Variants in GRIP1 observed in about 807,000 individuals in gnomAD.
The protein encoded by GRIP1 is glutamate receptor interacting protein 1.
Under a neutral mutation model 129.9 loss-of-function variants are expected in GRIP1, and 45 were observed. That is an observed-to-expected ratio of 0.35 (90% CI 0.27 to 0.44). GRIP1 has a LOEUF of 0.44. Among genes scored for constraint, GRIP1 ranks in the 20% least tolerant of loss-of-function variants. The pLI, the probability that GRIP1 is intolerant of heterozygous loss-of-function variation, is 1.00. For synonymous variants in GRIP1, 530 were observed against 520.8 expected, an observed-to-expected ratio of 1.02 and a Z score of -0.24; for missense variants, 1,196 against 1,396.8, an observed-to-expected ratio of 0.86 and a Z score of 2.29.
At chr12:66,835,182 T>C (rs2039591329) in intron 1 of GRIP1, among the ~76,000 whole-genome samples, 1 of 152,064 alleles carries the variant, frequency 6.6e-6, no homozygotes, top group Non-Finnish European at 1.5e-5. Flanking sequence ...CAACAGATAC[T>C]TCAACAATAA....
At position 66,753,144 on chromosome 12, in the gene GRIP1, T is replaced by C. The variant is rs182840880; in HGVS notation, c.-420+50909A>G. On this transcript the variant is annotated intron_variant, in intron 1 of 4. Coordinates refer to the GRIP1 transcript ENST00000538373. ...CAAACTCTTTCATGCTCTTATATCC[T>C]AGGTATATGGCTATCCGACCCCATT... Among the ~76,000 whole-genome samples, 37 of 152,246 alleles carry C rather than the reference T, an allele frequency of 2.4e-4. No homozygotes were observed. The East Asian group carries it at 2.9e-3, about 12-fold the overall frequency.
chr12:66,527,272 A>G (rs1182872743), intron 5 of GRIP1, among the ~76,000 whole-genome samples: 1 of 151,560 alleles, frequency 6.6e-6, no homozygotes, highest in African/African-American at 2.4e-5. Flanking sequence ...ACTTGGAACC[A>G]ACCCAAATGT....
chr12:66,991,970 T>G (rs559609398), intron 1 of GRIP1, among the ~76,000 whole-genome samples: 1 of 152,264 alleles, frequency 6.6e-6, no homozygotes, highest in Non-Finnish European at 1.5e-5. Context: ...GAAACACCAC[T>G]CAAAATATGA....
intron 7 of GRIP1, among the ~76,000 whole-genome samples, chr12:66,493,975 G>T (rs1327827188): frequency 1.3e-5 from 2 of 152,154 alleles, no homozygotes; most frequent in Admixed American, 1.3e-4. Context: ...AATCTGTAAA[G>T]ATGCCTCTGG....
intron 5 of GRIP1, among the ~76,000 whole-genome samples, chr12:66,523,976 T>C (rs1022601776): frequency 6.6e-6 from 1 of 152,120 alleles, no homozygotes; most frequent in Admixed American, 6.5e-5. Flanking sequence ...CAAGAAGAGC[T>C]AACTATCCTA....
chr12:66,936,779 C>A (rs2041492719), intron 1 of GRIP1, among the ~76,000 whole-genome samples: 1 of 152,126 alleles, frequency 6.6e-6, no homozygotes, highest in Admixed American at 6.5e-5. Context: ...TGCATTAAAG[C>A]ATTACACCAT....
chr12:66,952,403 G>A (rs2041772336), intron 1 of GRIP1, among the ~76,000 whole-genome samples: 1 of 152,156 alleles, frequency 6.6e-6, no homozygotes, highest in Admixed American at 6.5e-5. Flanking sequence ...TGTCATTAAA[G>A]CACTAAGTTT....
chr12:67,004,516 GAGAT>G (rs1208081283), intron 1 of GRIP1, among the ~76,000 whole-genome samples: 1 of 152,116 alleles, frequency 6.6e-6, no homozygotes, highest in East Asian at 1.9e-4. Context: ...CTCCAGGAAA[GAGAT>G]AGAGTTCCAT....
chr12:66,948,435 AT>A (rs1286968521), intron 1 of GRIP1, among the ~76,000 whole-genome samples: 3 of 152,236 alleles, frequency 2.0e-5, no homozygotes, highest in Non-Finnish European at 4.4e-5. Context: ...TATTGGGAAG[AT>A]ACTGTGTCTT....
At chr12:66,743,707 G>A (rs1217280321) in intron 1 of GRIP1, among the ~76,000 whole-genome samples, 4 of 151,994 alleles carry the variant, frequency 2.6e-5, no homozygotes, top group African/African-American at 9.7e-5. Context: ...GAGGAGGAAA[G>A]CCAACATTAT....
intron 1 of GRIP1, among the ~76,000 whole-genome samples, chr12:66,763,057 G>C (rs554233656): frequency 1.3e-5 from 2 of 152,126 alleles, no homozygotes; most frequent in East Asian, 3.9e-4. Flanking sequence ...GCAAATAAAA[G>C]TGATACAATT....
chr12:66,379,536 T>C (rs1401088059), intron 19 of GRIP1, 100 bp from the exon 20 acceptor site: 3 of 1,157,728 alleles, frequency 2.6e-6, no homozygotes, highest in Middle Eastern at 4.5e-4. Context: ...ATAACGGCAA[T>C]GACAATAACA....
intron 1 of GRIP1, among the ~76,000 whole-genome samples, chr12:66,638,052 C>A (rs2031571307): frequency 6.6e-6 from 1 of 152,142 alleles, no homozygotes; most frequent in African/African-American, 2.4e-5. Context: ...GTCTGAGGGC[C>A]ATTTAGATAT....
chr12:66,598,602 C>T (rs1225416411), intron 1 of GRIP1, among the ~76,000 whole-genome samples: 2 of 152,196 alleles, frequency 1.3e-5, no homozygotes, highest in African/African-American at 4.8e-5. Flanking sequence ...GAGCGCTTTT[C>T]TCACAGTGTT....
intron 1 of GRIP1, among the ~76,000 whole-genome samples, chr12:66,822,254 C>A (rs538673901): frequency 6.6e-6 from 1 of 152,298 alleles, no homozygotes. Context: ...CTAACAGAAC[C>A]ATATACTTTC....
intron 1 of GRIP1, among the ~76,000 whole-genome samples, chr12:66,786,274 A>G (rs1368745395): frequency 6.6e-6 from 1 of 152,184 alleles, no homozygotes; most frequent in East Asian, 1.9e-4. Context: ...ATAAAAATCA[A>G]TACACATGGT....
intron 1 of GRIP1, among the ~76,000 whole-genome samples, chr12:66,600,635 G>A (rs913124389): frequency 4.6e-5 from 7 of 152,126 alleles, no homozygotes; most frequent in Non-Finnish European, 7.4e-5. Context: ...GACTTAATGT[G>A]AAAAATCTGA....
intron 23 of GRIP1, among the ~76,000 whole-genome samples, chr12:66,356,939 C>T (rs1168355): frequency 0.43 from 65,012 of 152,034 alleles, 14,310 homozygotes; most frequent in East Asian, 0.52. Context: ...GGCATGACCT[C>T]GGCTCACTGC....
intron 1 of GRIP1, among the ~76,000 whole-genome samples, chr12:66,837,005 TA>T (rs2039626110): frequency 6.6e-6 from 1 of 152,230 alleles, no homozygotes; most frequent in African/African-American, 2.4e-5. Flanking sequence ...TGCAGGCTTT[TA>T]ATCCAAATGA....
Sources: allele counts gnomAD v4.1 joint callset (sites outside exome capture counted in the v4.1 genomes callset), GRCh38; gene constraint gnomAD v4.1.1; transcripts MANE v1.5; gene names NCBI Gene and HGNC (gene_info 2026-07-23, HGNC 2026-07-21).